The following CILK1 variants were observed in gnomAD, a reference collection of about 807,000 sequenced individuals.
The protein encoded by CILK1 is serine/threonine-protein kinase ICK.
Under a neutral mutation model 79.2 loss-of-function variants are expected in CILK1, and 47 were observed. The ratio of observed to expected loss-of-function variants is 0.59; its 90% confidence interval spans 0.47 to 0.76. The LOEUF is 0.76. CILK1 is among the 30% of genes least tolerant of loss of function. The probability of loss-of-function intolerance (pLI) is 0.00; values close to 1 mark genes in which losing one functional copy is unlikely to be tolerated. For missense variants in CILK1, 660 were observed against 769.5 expected (o/e 0.86, Z 1.68); for synonymous variants, 266 against 275.9 (o/e 0.96, Z 0.36).
intron 5 of CILK1, among the ~76,000 whole-genome samples, chr6:53,023,619 A>C (rs1765390872): frequency 6.6e-6 from 1 of 152,208 alleles, no homozygotes; most frequent in Non-Finnish European, 1.5e-5. Flanking sequence ...AGTAGGACTA[A>C]ATCTATTAGT....
Position 53,041,334 on chromosome 6 carries a change from G to C in CILK1, c.-98C>G. 1.3e-6 allele frequency: 1 copy of C among 797,376 alleles called. No individual in the cohort carries two copies. The highest frequency in any genetic ancestry group is 2.2e-6 in the Non-Finnish European group (1 of 450,086). The allele number at this position is 797,376 out of a possible 1,614,324, so 49.4% of individuals were successfully genotyped here. Reference sequence around the variant, plus strand: ...CCAGAGTGTAACCAGATTTTTCGATGGCAGCACCAGCACAAGGTATTCAAT... The same window carrying C: ...CCAGAGTGTAACCAGATTTTTCGATCGCAGCACCAGCACAAGGTATTCAAT... On this transcript the variant is annotated 5_prime_UTR_variant, in exon 2 of 14. Coordinates refer to ENST00000676107, the MANE Select transcript of CILK1 (RefSeq NM_014920.5).
intron 3 of CILK1, among the ~76,000 whole-genome samples, chr6:53,034,849 T>C (rs529847986): frequency 5.5e-4 from 83 of 152,204 alleles, no homozygotes; most frequent in African/African-American, 1.9e-3. Context: ...AGTGGGAGCA[T>C]CACCAAGATG....
intron 1 of CILK1, among the ~76,000 whole-genome samples, chr6:53,050,661 A>G (rs1348489580): frequency 6.6e-6 from 1 of 151,864 alleles, no homozygotes; most frequent in African/African-American, 2.4e-5. Flanking sequence ...CCCCATCTCT[A>G]CAAAATACAA....
Position 53,030,137 on chromosome 6 carries a change from T to A in CILK1, c.358+928A>T, listed in dbSNP as rs190543673. ...CAACAGTGATGGGGGATTTCCAGAA[T>A]GGTATGTGGTCATCGTTCCTTTGGA... On this transcript the variant is annotated intron_variant, in intron 5 of 13. Coordinates refer to ENST00000676107, the MANE Select transcript of CILK1 (RefSeq NM_014920.5). 5.3e-5 allele frequency among the ~76,000 whole-genome samples: 8 copies of A among 152,154 alleles called. No homozygotes were observed. In the East Asian group the frequency reaches 1.5e-3, roughly 29 times the overall value.
chr6:53,009,993 A>G (rs1484865714), intron 11 of CILK1, among the ~76,000 whole-genome samples: 1 of 152,112 alleles, frequency 6.6e-6, no homozygotes, highest in African/African-American at 2.4e-5. Context: ...CCCGACCTGG[A>G]CCATTACTCC....
At chr6:53,061,103 T>C (rs950964666) in intron 1 of CILK1, 1 of 152,216 alleles carries the variant, frequency 6.6e-6, no homozygotes, top group African/African-American at 2.4e-5. Context: ...AGTGTCAAAG[T>C]CAAACTTTAA....
Position 53,018,321 on chromosome 6 carries a change from T to C in CILK1, c.663+9A>G. 1.2e-6 allele frequency: 2 copies of C among 1,613,960 alleles called. No individual in the cohort carries two copies. The highest frequency in any genetic ancestry group is 2.2e-5 in the East Asian group (1 of 44,886). ...CTTTGGCCCACTGGCCTTTGTTTTG[T>C]ATCATTACCTTTTTTGGTGTCCCCA... On this transcript the variant is annotated intron_variant, in intron 7 of 13. Transcript: ENST00000676107.
chr6:53,022,753 CTTCATTCA>C (rs1400987264), intron 5 of CILK1, among the ~76,000 whole-genome samples: 1 of 152,086 alleles, frequency 6.6e-6, no homozygotes, highest in Non-Finnish European at 1.5e-5. Context: ...ACATGGTAGC[CTTCATTCA>C]TTCATTCATT....
intron 8 of CILK1, among the ~76,000 whole-genome samples, chr6:53,014,925 C>T (rs1329422721): frequency 6.6e-6 from 1 of 152,202 alleles, no homozygotes; most frequent in Non-Finnish European, 1.5e-5. Flanking sequence ...CTGGGTTCAT[C>T]CAAAAGCTTC....
chr6:53,057,526 G>T (rs1767996866), intron 1 of CILK1, among the ~76,000 whole-genome samples: 1 of 152,286 alleles, frequency 6.6e-6, no homozygotes, highest in South Asian at 2.1e-4. Context: ...AATATAGTTG[G>T]ACATCACACT....
At position 53,018,480 on chromosome 6, in the gene CILK1, G is replaced by A. The variant is rs754863953; in HGVS notation, c.513C>T (p.Leu171=). 6.2e-7 allele frequency: 1 copy of A among 1,614,180 alleles called. No individual in the cohort carries two copies. Among genetic ancestry groups the A allele is most frequent in the South Asian group, 1.1e-5 (1 of 91,080 alleles). Residue 171 remains leucine, a synonymous_variant, in exon 7 of 14, where the codon CTC becomes CTT. Transcript: ENST00000676107. ...STRWYRAPEV[L]LRSTNYSSPI... ...GGGAGCTGTAGTTGGTAGACCTCAG[G>A]AGTACTTCTGGAGCCCTGTACCTGG...
chr6:53,051,139 C>T (rs918143807), intron 1 of CILK1, among the ~76,000 whole-genome samples: 3 of 152,180 alleles, frequency 2.0e-5, no homozygotes, highest in Non-Finnish European at 1.5e-5. Context: ...GAAGGAGTCA[C>T]TTTGTGGATC....
chr6:53,019,165 T>C (rs1765069197), intron 6 of CILK1, 62 bp downstream of exon 6: 1 of 1,476,482 alleles, frequency 6.8e-7, no homozygotes, highest in Non-Finnish European at 9.5e-7. Context: ...ATATTATCCT[T>C]AGCATAATGA....
intron 1 of CILK1, chr6:53,061,010 G>A (rs1768401593): frequency 6.6e-6 from 1 of 152,194 alleles, no homozygotes. Context: ...GCAAAAGCAG[G>A]TCTTATTTAG....
intron 1 of CILK1, among the ~76,000 whole-genome samples, chr6:53,059,907 AAG>A (rs1421742789): frequency 1.3e-5 from 2 of 152,206 alleles, no homozygotes; most frequent in Admixed American, 1.3e-4. Context: ...AGAGCTTACT[AAG>A]AGTCAGGCTT....
At chr6:53,011,514 G>A (rs1432788991) in intron 11 of CILK1, among the ~76,000 whole-genome samples, 1 of 152,092 alleles carries the variant, frequency 6.6e-6, no homozygotes, top group Non-Finnish European at 1.5e-5. Flanking sequence ...CAGGAGAATC[G>A]CTTGAACCCA....
At chr6:53,060,135 A>G (rs1347882712) in intron 1 of CILK1, among the ~76,000 whole-genome samples, 1 of 152,256 alleles carries the variant, frequency 6.6e-6, no homozygotes, top group African/African-American at 2.4e-5. Flanking sequence ...TGAGAATAAC[A>G]AACAATAAAG....
At position 53,001,718 on chromosome 6, in the gene CILK1, C is replaced by T. The variant is rs184925139; in HGVS notation, c.*3431G>A. 23 of 152,658 alleles carry T rather than the reference C, an allele frequency of 1.5e-4. No homozygotes were observed. Among genetic ancestry groups the T allele is most frequent in the African/African-American group, 4.6e-4 (19 of 41,536 alleles). 9.5% of individuals were successfully genotyped at this position (152,658 alleles called of 1,614,324 possible). ...CAGTACAGTACATTTGTTTGGAAAT[C>T]GTAAAAATAATTCTACAAATTAGCT... On this transcript the variant is annotated 3_prime_UTR_variant, in exon 14 of 14. Coordinates refer to ENST00000676107, the MANE Select transcript of CILK1 (RefSeq NM_014920.5).
chr6:53,006,367 G>T lies in CILK1; in HGVS notation c.1692C>A (p.Ile564=), dbSNP rs752631250. Residue 564 remains isoleucine (I), a synonymous_variant, in exon 13 of 14, where the codon ATC becomes ATA. Coordinates refer to ENST00000676107, the MANE Select transcript of CILK1 (RefSeq NM_014920.5). ...NYVPSFLKKE[I]GSAMQRVHLA... is the part of the protein sequence containing the mutation. ...GGTGTACCCTCTGCATAGCAGAACC[G>T]ATTTCTTTTTTCAGAAAGGAAGGGA... The T allele has an allele frequency of 3.7e-6, 6 of 1,613,620 alleles. No individual in the cohort carries two copies. In the South Asian group the frequency reaches 4.4e-5, roughly 12 times the overall value.
Sources: allele counts gnomAD v4.1 joint callset (sites outside exome capture counted in the v4.1 genomes callset), GRCh38; gene constraint gnomAD v4.1.1; transcripts MANE v1.5; gene names NCBI Gene and HGNC (gene_info 2026-07-23, HGNC 2026-07-21).